TNS1: variants seen among roughly 807,000 people sequenced by gnomAD.
The protein encoded by TNS1 is tensin 1, also known as tensin-1.
In TNS1, 62 loss-of-function variants were observed where a neutral mutation model predicts 168.6. The observed-to-expected ratio is 0.37, with a 90% confidence interval of 0.30 to 0.45. The LOEUF is 0.45. TNS1 is among the 20% of genes least tolerant of loss of function. The pLI, the probability that TNS1 is intolerant of heterozygous loss-of-function variation, is 1.00. For missense variants in TNS1, 2,240 were observed against 2,339.4 expected (o/e 0.96, Z 0.88); for synonymous variants, 934 against 933.2 (o/e 1.00, Z -0.02).
intron 3 of TNS1, among the ~76,000 whole-genome samples, chr2:217,946,205 TC>T (rs1423721599): frequency 6.6e-6 from 1 of 152,198 alleles, no homozygotes; most frequent in Non-Finnish European, 1.5e-5. Context: ...GAAGCCATCC[TC>T]CCTGGATCCT....
In TNS1 at chr2:217,896,815, T is replaced by C. The variant is rs75148546; in HGVS notation, c.543+983A>G. ...TAACTTGCATATAAAAAATGTACTA[T>C]TTGCATATAACTTATGCATATACTT... On this transcript the variant is annotated intron_variant, in intron 8 of 32. Transcript: ENST00000682258. 2.6e-5 allele frequency among the ~76,000 whole-genome samples: 4 copies of C among 152,372 alleles called. No homozygotes were observed. The East Asian group carries it at 7.7e-4, about 29-fold the overall frequency.
intron 3 of TNS1, among the ~76,000 whole-genome samples, chr2:217,954,969 C>T (rs146297552): frequency 4.9e-4 from 74 of 152,200 alleles, no homozygotes; most frequent in African/African-American, 1.6e-3. Context: ...CACACACTTC[C>T]GTGAATGTAC....
intron 6 of TNS1, among the ~76,000 whole-genome samples, chr2:217,902,707 C>T (rs539038393): frequency 3.3e-5 from 5 of 152,174 alleles, no homozygotes; most frequent in South Asian, 4.1e-4. Context: ...AGTCCAAGCC[C>T]GCTCTGCTCC....
At chr2:217,941,060 C>T (rs967984067) in intron 3 of TNS1, among the ~76,000 whole-genome samples, 1 of 152,160 alleles carries the variant, frequency 6.6e-6, no homozygotes, top group Non-Finnish European at 1.5e-5. Flanking sequence ...TGATGCTGCC[C>T]GGACAACCCG....
Position 217,821,789 on chromosome 2 carries a change from CA to C in TNS1, c.3522del (p.Phe1174LeufsTer143). The part of the protein sequence containing the change: ...PLRNGTLGGS[F>X]VSPSPLSTSS... ...CTGGTGGAGAGGGGGCTGGGGGAGA[CA>C]AAGGAGCCACCCAGGGTCCCGTTCC... is the stretch of plus-strand genomic sequence containing the variant. On this transcript the variant is annotated frameshift_variant, in exon 23 of 33. Transcript: ENST00000682258. LOFTEE classifies it high-confidence loss of function. 6.5e-7 allele frequency: 1 copy of C among 1,531,860 alleles called. No individual in the cohort carries two copies. Among genetic ancestry groups the C allele is most frequent in the Non-Finnish European group, 8.8e-7 (1 of 1,141,856 alleles). 94.9% of individuals were successfully genotyped at this position (1,531,860 alleles called of 1,614,324 possible). A position where few individuals can be genotyped will look rare whatever the true frequency, so the allele number is the denominator to read the frequency against.
In TNS1 at chr2:217,880,657, C is replaced by T. The variant is rs901213868; in HGVS notation, c.1429+241G>A. On this transcript the variant is annotated intron_variant, in intron 18 of 32. Coordinates refer to ENST00000682258, the MANE Select transcript of TNS1 (RefSeq NM_001387777.1). This position sits in a 1 kb window ranked among gnomAD's most constrained non-coding sequence, Gnocchi z 4.2. ...ACTTGGCTGTAGCAACACACTTCCA[C>T]GATAACCCCCTTGTGGCCATTTTGC... Among the ~76,000 whole-genome samples the T allele has an allele frequency of 2.6e-5, 4 of 152,204 alleles. No homozygotes were observed. Among genetic ancestry groups the T allele is most frequent in the African/African-American group, 7.2e-5 (3 of 41,432 alleles).
At chr2:217,812,553 C>T (rs1423184927) in intron 27 of TNS1, 108 bp from the exon 28 acceptor site, 6 of 872,328 alleles carry the variant, frequency 6.9e-6, no homozygotes, top group Admixed American at 5.3e-5. Context: ...TTCTTTATTA[C>T]CTCTACCTCA....
upstream of TNS1, among the ~76,000 whole-genome samples, chr2:218,014,310 G>C (rs560180187): frequency 6.6e-6 from 1 of 152,050 alleles, no homozygotes; most frequent in Non-Finnish European, 1.5e-5. Context: ...TCCCCCACCC[G>C]CTGGAGAGAT....
chr2:217,859,759 C>G, intron 18 of TNS1: 1 of 1,348,802 alleles, frequency 7.4e-7, no homozygotes, highest in Non-Finnish European at 1.0e-6. Flanking sequence ...GCCTCACCCT[C>G]GTTCCCAACC....
chr2:217,847,717 A>G lies in TNS1; in HGVS notation c.2800T>C (p.Phe934Leu), dbSNP rs1946851995. ...QPCLAGPNQD[F>L]HSKSPASSSL... ...GAAGAGGCTGGGCTCTTTGAATGGA[A>G]ATCCTGGTTAGGCCCAGCCAAACAT... is the stretch of plus-strand genomic sequence containing the variant. The change falls in exon 19 of 33, where the codon TTC becomes CTC. Residue 934 changes from phenylalanine (F) to leucine (L), a missense_variant. Transcript: ENST00000682258. The G allele has an allele frequency of 6.2e-7, 1 of 1,605,870 alleles. No homozygotes were observed. The highest frequency in any genetic ancestry group is 1.3e-5 in the African/African-American group (1 of 74,908).
intron 2 of TNS1, among the ~76,000 whole-genome samples, chr2:217,989,491 A>T (rs1258273652): frequency 3.9e-5 from 6 of 152,036 alleles, no homozygotes. Flanking sequence ...GGTGAAGGAG[A>T]GGGAAGCATC....
intron 9 of TNS1, among the ~76,000 whole-genome samples, chr2:217,894,685 C>T (rs4334476): frequency 0.05 from 7,577 of 151,902 alleles, 466 homozygotes; most frequent in African/African-American, 0.15. Context: ...ACAAAAAAAC[C>T]GGCAGCTGGA....
chr2:218,002,995 T>C lies in TNS1; in HGVS notation c.-123A>G. 1 of 451,158 alleles carries C rather than the reference T, an allele frequency of 2.2e-6. No homozygotes were observed. The highest frequency in any genetic ancestry group is 4.5e-6 in the Non-Finnish European group (1 of 224,352). The allele number at this position is 451,158 out of a possible 1,614,324, so 27.9% of individuals were successfully genotyped here. ...CGGCTGCTCCGGCTCCGCCAGCATC[T>C]GCTGGGCCTCTCGCCCTGCTGCCTC... On this transcript the variant is annotated 5_prime_UTR_variant, in exon 1 of 33. Coordinates refer to ENST00000682258, the MANE Select transcript of TNS1 (RefSeq NM_001387777.1).
upstream of TNS1, among the ~76,000 whole-genome samples, chr2:218,006,888 G>A (rs557535435): frequency 1.3e-5 from 2 of 152,244 alleles, no homozygotes; most frequent in East Asian, 1.9e-4. Context: ...TCAGGGCACC[G>A]CTAGCCTAAT....
chr2:217,811,740 G>C (rs972615411), intron 28 of TNS1, among the ~76,000 whole-genome samples: 1 of 152,124 alleles, frequency 6.6e-6, no homozygotes, highest in African/African-American at 2.4e-5. Flanking sequence ...GCCTCCATGA[G>C]AGAAGCTAAA....
chr2:217,843,140 A>G (rs892122139), intron 19 of TNS1, among the ~76,000 whole-genome samples: 8 of 151,858 alleles, frequency 5.3e-5, no homozygotes, highest in Non-Finnish European at 7.4e-5. Context: ...ATGTAAAAAA[A>G]AAAAAACACA....
chr2:218,009,473 G>A (rs1312796447), intron 1 of TNS1, among the ~76,000 whole-genome samples: 2 of 151,692 alleles, frequency 1.3e-5, no homozygotes, highest in Non-Finnish European at 2.9e-5. Flanking sequence ...ACCAGGACAC[G>A]CCCACCCACA....
At chr2:218,012,912 C>T (rs975000475), upstream of TNS1, among the ~76,000 whole-genome samples, 2 of 152,058 alleles carry the variant, frequency 1.3e-5, no homozygotes, top group Non-Finnish European at 2.9e-5. Context: ...GATCTTCTCT[C>T]AGTCTTGATC....
chr2:217,983,829 G>A (rs146347055), intron 2 of TNS1, among the ~76,000 whole-genome samples: 44 of 152,294 alleles, frequency 2.9e-4, no homozygotes, highest in African/African-American at 9.9e-4. Context: ...CTGGGCTGGA[G>A]GTATGCAGTG....
Sources: gnomAD v4.1 joint callset for allele counts (sites outside exome capture counted in the v4.1 genomes callset) on GRCh38, gnomAD v4.1.1 for gene constraint, Gnocchi (gnomAD v3.1) non-coding constraint, MANE v1.5 for transcripts, NCBI Gene and HGNC (gene_info 2026-07-23, HGNC 2026-07-21) for gene names.